Variants in RBFOX1 observed in about 807,000 individuals in gnomAD.
The protein encoded by RBFOX1 is RNA binding protein fox-1 homolog 1.
A neutral mutation model predicts 57.7 loss-of-function variants in RBFOX1; 8 were observed. The ratio of observed to expected loss-of-function variants is 0.14; its 90% CI spans 0.08 to 0.25. The LOEUF (loss-of-function observed/expected upper bound fraction) is 0.25, where lower values mean the gene tolerates loss of function less well. RBFOX1 is among the 10% of genes least tolerant of loss of function. RBFOX1 has a pLI of 1.00. For synonymous variants in RBFOX1, 326 were observed against 222.4 expected (o/e 1.47, Z -4.15); for missense variants, 611 against 548.5 (o/e 1.11, Z -1.14).
chr16:5,366,927 A>G (rs2065733401), intron 1 of RBFOX1, among the ~76,000 whole-genome samples: 1 of 152,234 alleles, frequency 6.6e-6, no homozygotes, highest in South Asian at 2.1e-4. Flanking sequence ...GACAGGACAT[A>G]GTAATAGCAG....
At chr16:6,916,827 C>A (rs185440779) in intron 3 of RBFOX1, among the ~76,000 whole-genome samples, 3 of 152,100 alleles carry the variant, frequency 2.0e-5, no homozygotes, top group Admixed American at 2.0e-4. Flanking sequence ...GTACCTTGAT[C>A]TTGTTTTTTT....
chr16:7,451,853 G>C (rs2098865061), intron 4 of RBFOX1, among the ~76,000 whole-genome samples: 1 of 152,096 alleles, frequency 6.6e-6, no homozygotes, highest in South Asian at 2.1e-4. Flanking sequence ...TATCTCAGTG[G>C]GGTTTGTGGG....
intron 1 of RBFOX1, among the ~76,000 whole-genome samples, chr16:5,319,339 C>T (rs904801984): frequency 2.0e-5 from 3 of 152,168 alleles, no homozygotes; most frequent in East Asian, 1.9e-4. Context: ...AAGCTAGTCA[C>T]TGCCCTTGGA....
intron 3 of RBFOX1, among the ~76,000 whole-genome samples, chr16:6,811,967 C>T (rs558058842): frequency 1.3e-5 from 2 of 152,252 alleles, no homozygotes; most frequent in East Asian, 1.9e-4. Flanking sequence ...GAATTTCTTA[C>T]AGATGTTGTT....
At chr16:5,450,223 C>G (rs984508769) in intron 1 of RBFOX1, among the ~76,000 whole-genome samples, 1 of 152,196 alleles carries the variant, frequency 6.6e-6, no homozygotes, top group Non-Finnish European at 1.5e-5. Context: ...TCAATTCTGT[C>G]TCCCTCCTGA....
chr16:6,463,871 G>T (rs565184414), intron 2 of RBFOX1, among the ~76,000 whole-genome samples: 1 of 151,946 alleles, frequency 6.6e-6, no homozygotes. Context: ...TAGCTCTCGC[G>T]CCCACCATGA....
At chr16:7,201,861 A>C (rs8055233) in intron 4 of RBFOX1, among the ~76,000 whole-genome samples, 51,336 of 152,040 alleles carry the variant, frequency 0.34, 9,796 homozygotes, top group African/African-American at 0.52. Flanking sequence ...TGTAGACTGT[A>C]GATCAGAGGG....
chr16:6,464,082 A>C (rs929752221), intron 2 of RBFOX1, among the ~76,000 whole-genome samples: 15 of 152,188 alleles, frequency 9.9e-5, no homozygotes, highest in Admixed American at 4.6e-4. Flanking sequence ...ATTTTATCCC[A>C]CTGGGATGAA....
chr16:7,558,648 A>C (rs888419019), intron 5 of RBFOX1, among the ~76,000 whole-genome samples: 25 of 152,174 alleles, frequency 1.6e-4, no homozygotes, highest in Non-Finnish European at 4.4e-5. Context: ...CAAGTTAGCA[A>C]CTGGCTTTCA....
At chr16:6,960,854 C>T (rs1181185763) in intron 3 of RBFOX1, among the ~76,000 whole-genome samples, 1 of 151,686 alleles carries the variant, frequency 6.6e-6, no homozygotes, top group Non-Finnish European at 1.5e-5. Flanking sequence ...TGCCTCAGGT[C>T]CGGGTGCAGT....
chr16:7,082,078 C>T (rs117490400), intron 4 of RBFOX1, among the ~76,000 whole-genome samples: 1,631 of 152,206 alleles, frequency 0.011, 15 homozygotes, highest in Non-Finnish European at 0.016. Flanking sequence ...GGTAACCACC[C>T]CAATTTGCAG....
At chr16:6,767,938 T>TAAGAAGAAGAAGAAGAAGAAGAAG (rs1450877589) in intron 3 of RBFOX1, among the ~76,000 whole-genome samples, 11 of 84,786 alleles carry the variant, frequency 1.3e-4, no homozygotes, top group East Asian at 7.0e-4. Flanking sequence ...ATAATAATAA[T>TAAGAAGAAGAAGAAGAAGAAGAAG]AATAATAATA....
intron 4 of RBFOX1, among the ~76,000 whole-genome samples, chr16:7,496,826 A>C (rs1209893912): frequency 6.6e-6 from 1 of 151,964 alleles, no homozygotes; most frequent in African/African-American, 2.4e-5. Flanking sequence ...AATCACTAGA[A>C]TCCTATTTAA....
intron 4 of RBFOX1, among the ~76,000 whole-genome samples, chr16:7,329,771 A>G (rs964486347): frequency 5.9e-5 from 9 of 152,224 alleles, no homozygotes; most frequent in African/African-American, 2.2e-4. Flanking sequence ...TTGTAACTCA[A>G]GAACAGCAAA....
Position 5,263,240 on chromosome 16 carries a change from A to G in RBFOX1, c.219+23135A>G, listed in dbSNP as rs146758994. Among the ~76,000 whole-genome samples the G allele has an allele frequency of 3.9e-3, 592 of 152,288 alleles. 6 individuals carry two copies. Among genetic ancestry groups the G allele is most frequent in the African/African-American group, 0.013 (560 of 41,560 alleles). ...ATAGGTGATGAGATGACTCAGGGAC[A>G]AAGTTTGGTAGAAGGAGAAAAGATA... On this transcript the variant is annotated intron_variant, in intron 1 of 2. Transcript: ENST00000585867.
At chr16:6,889,640 C>A (rs1212370464) in intron 3 of RBFOX1, among the ~76,000 whole-genome samples, 3 of 152,194 alleles carry the variant, frequency 2.0e-5, no homozygotes, top group East Asian at 3.8e-4. Flanking sequence ...TATCCGTAAG[C>A]CCATCCTCAA....
intron 4 of RBFOX1, among the ~76,000 whole-genome samples, chr16:5,955,521 A>G (rs1165625272): frequency 2.6e-5 from 4 of 152,134 alleles, no homozygotes; most frequent in Non-Finnish European, 2.9e-5. Context: ...TAATCATCAT[A>G]GAAGTAACAG....
At chr16:7,534,497 G>T (rs960962047) in intron 5 of RBFOX1, among the ~76,000 whole-genome samples, 1 of 151,950 alleles carries the variant, frequency 6.6e-6, no homozygotes, top group Non-Finnish European at 1.5e-5. Context: ...AATACGGTAA[G>T]CCCCAGGATA....
At position 7,155,736 on chromosome 16, in the gene RBFOX1, T is replaced by TAC. The variant is rs1476111320; in HGVS notation, c.27+103639_27+103640insCA. 3.4e-3 allele frequency among the ~76,000 whole-genome samples: 283 copies of TAC among 83,372 alleles called. 2 individuals carry two copies. Among genetic ancestry groups the TAC allele is most frequent in the African/African-American group, 0.016 (275 of 16,948 alleles). 54.7% of individuals were successfully genotyped at this position (83,372 alleles called of 152,430 possible). ...AAATATATATATATATATATATATATATACACACACACACACACACACACA... is the reference window on the plus strand; with the variant it reads ...AAATATATATATATATATATATATATACATACACACACACACACACACACACA... On this transcript the variant is annotated intron_variant, in intron 4 of 15. Coordinates refer to ENST00000550418, the MANE Select transcript of RBFOX1 (RefSeq NM_018723.4).
Sources: gnomAD v4.1 joint callset for allele counts (sites outside exome capture counted in the v4.1 genomes callset) on GRCh38, gnomAD v4.1.1 for gene constraint, MANE v1.5 for transcripts, NCBI Gene and HGNC (gene_info 2026-07-23, HGNC 2026-07-21) for gene names.